The following SORCS2 variants were observed in gnomAD, a reference collection of about 807,000 sequenced individuals.
SORCS2 encodes the protein VPS10 domain-containing receptor SorCS2.
SORCS2 carries 100 observed loss-of-function variants against 141.6 expected under a neutral mutation model. The ratio of observed to expected loss-of-function variants is 0.71; its 90% CI spans 0.60 to 0.83. The LOEUF is 0.83. Ranked by LOEUF, SORCS2 falls within the 40% of genes least tolerant of loss-of-function variation. The pLI is 0.00. For synonymous variants in SORCS2, 789 were observed against 676.9 expected (o/e 1.17, Z -2.57); for missense variants, 1,646 against 1,560.2 (o/e 1.05, Z -0.93).
chr4:7,342,248 G>T (rs1720409431), intron 1 of SORCS2, among the ~76,000 whole-genome samples: 1 of 152,048 alleles, frequency 6.6e-6, no homozygotes, highest in Non-Finnish European at 1.5e-5. Flanking sequence ...TGTGGACATG[G>T]GTCTGCCTCC....
At chr4:7,376,918 A>G (rs141987296) in intron 1 of SORCS2, among the ~76,000 whole-genome samples, 275 of 149,606 alleles carry the variant, frequency 1.8e-3, no homozygotes, top group African/African-American at 6.4e-3. Flanking sequence ...CAGCCCACGG[A>G]TGTTCCAGCC....
chr4:7,226,375 C>G lies in SORCS2; in HGVS notation c.480+33249C>G, dbSNP rs184790412. ...CTGGCCTTGCTGGACCTCTGCGTGTCCTTCCAGGGCAGGAGCTGATGGAGC... is the reference window on the plus strand; with the variant it reads ...CTGGCCTTGCTGGACCTCTGCGTGTGCTTCCAGGGCAGGAGCTGATGGAGC... On this transcript the variant is annotated intron_variant, in intron 1 of 26. Transcript: ENST00000507866. Among the ~76,000 whole-genome samples the G allele has an allele frequency of 4.6e-5, 7 of 152,322 alleles. No homozygotes were observed. In the East Asian group the frequency reaches 1.4e-3, roughly 29 times the overall value.
At chr4:7,692,591 A>G (rs1023914621) in intron 11 of SORCS2, among the ~76,000 whole-genome samples, 47 of 152,190 alleles carry the variant, frequency 3.1e-4, no homozygotes, top group African/African-American at 1.1e-3. Context: ...ACTGGAAATG[A>G]AGGAGCTAAG....
intron 1 of SORCS2, among the ~76,000 whole-genome samples, chr4:7,385,150 C>G (rs965628184): frequency 6.7e-4 from 102 of 152,204 alleles, no homozygotes; most frequent in Admixed American, 1.1e-3. Flanking sequence ...GGGTGGGCAG[C>G]GGCATTGGCA....
chr4:7,597,115 G>C (rs1312630725), intron 3 of SORCS2, among the ~76,000 whole-genome samples: 1 of 151,954 alleles, frequency 6.6e-6, no homozygotes, highest in Non-Finnish European at 1.5e-5. Context: ...TGAAATAAGG[G>C]AGGAGGCTAT....
chr4:7,735,473 A>G (rs966616234), intron 25 of SORCS2: 1 of 154,384 alleles, frequency 6.5e-6, no homozygotes, highest in Non-Finnish European at 1.5e-5. Flanking sequence ...GAGCGCGTCC[A>G]GGAGCTCCTT....
At chr4:7,470,750 C>CCAGCCT (rs1263996807) in intron 2 of SORCS2, among the ~76,000 whole-genome samples, 1 of 152,222 alleles carries the variant, frequency 6.6e-6, no homozygotes, top group Non-Finnish European at 1.5e-5. Context: ...GGCCCCAGCC[C>CCAGCCT]CAGCCTGCAT....
intron 2 of SORCS2, among the ~76,000 whole-genome samples, chr4:7,423,794 T>A (rs987627467): frequency 2.0e-5 from 3 of 152,186 alleles, no homozygotes; most frequent in Non-Finnish European, 4.4e-5. Context: ...TGATGAATGT[T>A]GAACAACCAG....
At chr4:7,239,923 G>A (rs1225281616) in intron 1 of SORCS2, among the ~76,000 whole-genome samples, 1 of 152,222 alleles carries the variant, frequency 6.6e-6, no homozygotes, top group Admixed American at 6.5e-5. Flanking sequence ...GTTCCTGGAA[G>A]GGTCGGAATC....
chr4:7,644,486 A>G (rs576730574), intron 4 of SORCS2, among the ~76,000 whole-genome samples: 1 of 152,300 alleles, frequency 6.6e-6, no homozygotes, highest in African/African-American at 2.4e-5. Flanking sequence ...AATTGGCACG[A>G]GTGCATCCAC....
At chr4:7,423,359 T>C (rs1387143826) in intron 2 of SORCS2, among the ~76,000 whole-genome samples, 1 of 152,226 alleles carries the variant, frequency 6.6e-6, no homozygotes, top group Non-Finnish European at 1.5e-5. Flanking sequence ...CCTGGCTATG[T>C]GGTTCACTGT....
chr4:7,727,435 C>G (rs918449436), intron 21 of SORCS2, among the ~76,000 whole-genome samples: 5 of 152,172 alleles, frequency 3.3e-5, no homozygotes, highest in African/African-American at 7.2e-5. Context: ...AGACCCCCCC[C>G]CCCCTTGTCA....
intron 2 of SORCS2, among the ~76,000 whole-genome samples, chr4:7,515,988 C>T (rs1732953719): frequency 6.6e-6 from 1 of 152,196 alleles, no homozygotes; most frequent in South Asian, 2.1e-4. Flanking sequence ...GCTCTCGGCT[C>T]TCGCAGCAGG....
intron 2 of SORCS2, among the ~76,000 whole-genome samples, chr4:7,509,883 C>T (rs937682286): frequency 6.6e-6 from 1 of 152,176 alleles, no homozygotes; most frequent in Non-Finnish European, 1.5e-5. Context: ...CCCCAGCTGT[C>T]CAAATCACAA....
At chr4:7,389,168 C>T (rs137962932) in intron 1 of SORCS2, among the ~76,000 whole-genome samples, 4,302 of 152,252 alleles carry the variant, frequency 0.028, 111 homozygotes, top group Non-Finnish European at 0.039. Flanking sequence ...TCCCTCAGTC[C>T]CTGGCAGTGG....
At chr4:7,651,627 A>C (rs1455649703) in intron 4 of SORCS2, among the ~76,000 whole-genome samples, 2 of 152,246 alleles carry the variant, frequency 1.3e-5, no homozygotes, top group Non-Finnish European at 2.9e-5. Flanking sequence ...GGAGGAAGTT[A>C]CATGCAGGGA....
At chr4:7,654,315 C>A (rs1198032271) in intron 5 of SORCS2, 108 bp downstream of exon 5, 8 of 1,135,832 alleles carry the variant, frequency 7.0e-6, no homozygotes, top group Non-Finnish European at 8.9e-6. Context: ...CTCCTCTGGA[C>A]CCTCCCCATC....
At chr4:7,605,819 A>G (rs1577830145) in intron 3 of SORCS2, among the ~76,000 whole-genome samples, 1 of 151,562 alleles carries the variant, frequency 6.6e-6, no homozygotes, top group East Asian at 1.9e-4. Context: ...GAGCAGGGGG[A>G]ACAGCTGGAT....
At chr4:7,296,373 C>T (rs1032273247) in intron 1 of SORCS2, among the ~76,000 whole-genome samples, 2 of 152,216 alleles carry the variant, frequency 1.3e-5, no homozygotes, top group Admixed American at 6.5e-5. Context: ...TTTTAGGAGC[C>T]GAGGTTGGGC....
Sources: gnomAD v4.1 joint callset for allele counts (sites outside exome capture counted in the v4.1 genomes callset) on GRCh38, gnomAD v4.1.1 for gene constraint, MANE v1.5 for transcripts, NCBI Gene and HGNC (gene_info 2026-07-23, HGNC 2026-07-21) for gene names.